The following AGBL1 variants were observed in gnomAD, a reference collection of about 807,000 sequenced individuals.
AGBL1 encodes the protein AGBL carboxypeptidase 1.
A neutral mutation model predicts 118.9 loss-of-function variants in AGBL1; 130 were observed. That is an observed-to-expected ratio of 1.09 (90% CI 0.95 to 1.26). The LOEUF (loss-of-function observed/expected upper bound fraction) is 1.26. AGBL1 is among the 50% of genes most tolerant of loss of function. AGBL1 has a pLI of 0.00. For missense variants in AGBL1, 1,584 were observed against 1,298.1 expected, an observed-to-expected ratio of 1.22 and a Z score of -3.38; for synonymous variants, 555 against 478.9, an observed-to-expected ratio of 1.16 and a Z score of -2.08.
intron 24 of AGBL1, among the ~76,000 whole-genome samples, chr15:87,002,371 G>A (rs1218258008): frequency 6.6e-6 from 1 of 151,886 alleles, no homozygotes; most frequent in African/African-American, 2.4e-5. Flanking sequence ...TGCTGTTTTG[G>A]TTACTGTAGC....
intron 21 of AGBL1, among the ~76,000 whole-genome samples, chr15:86,656,094 G>A (rs1041041507): frequency 1.3e-5 from 2 of 152,142 alleles, no homozygotes; most frequent in Non-Finnish European, 2.9e-5. Context: ...CACCTGCAGT[G>A]TAATAGATAA....
intron 22 of AGBL1, among the ~76,000 whole-genome samples, chr15:86,698,212 T>A (rs555779694): frequency 7.2e-5 from 11 of 152,094 alleles, no homozygotes; most frequent in African/African-American, 2.4e-4. Flanking sequence ...TTGGTTAAAG[T>A]AGTCTTTAGG....
In AGBL1 at chr15:86,999,328, G is replaced by A. The variant is rs981471455; in HGVS notation, c.3323+11240G>A. Among the ~76,000 whole-genome samples the A allele has an allele frequency of 8.0e-5, 12 of 149,942 alleles. 2 individuals carry two copies. The South Asian group carries it at 1.7e-3, about 21-fold the overall frequency. Reference sequence around the variant, plus strand: ...GCTGGTGCGCTGCACCCACTAACTCGTCATCTAGCATTAGGTATATCTCCC... The same window carrying A: ...GCTGGTGCGCTGCACCCACTAACTCATCATCTAGCATTAGGTATATCTCCC... On this transcript the variant is annotated intron_variant, in intron 24 of 24. Transcript: ENST00000441037.
At chr15:86,333,957 A>T (rs2080316413) in intron 17 of AGBL1, among the ~76,000 whole-genome samples, 2 of 152,244 alleles carry the variant, frequency 1.3e-5, no homozygotes, top group African/African-American at 4.8e-5. Context: ...CAGATGCAGA[A>T]AAAGCTTTCA....
intron 22 of AGBL1, among the ~76,000 whole-genome samples, chr15:86,734,276 C>A (rs1025153043): frequency 1.3e-5 from 2 of 152,096 alleles, no homozygotes; most frequent in Non-Finnish European, 2.9e-5. Context: ...GTATATATTT[C>A]TGTGTAATAT....
chr15:86,632,184 C>T (rs545531534), intron 21 of AGBL1, among the ~76,000 whole-genome samples: 1 of 150,702 alleles, frequency 6.6e-6, no homozygotes, highest in Non-Finnish European at 1.5e-5. Flanking sequence ...AGGAGGATCA[C>T]TTGAGCCCAG....
At chr15:86,086,508 T>C (rs1895664235) in intron 1 of AGBL1, 1 of 152,130 alleles carries the variant, frequency 6.6e-6, no homozygotes, top group Non-Finnish European at 1.5e-5. Context: ...CAAGGGAGCA[T>C]TCAAGGTCAA....
intron 18 of AGBL1, among the ~76,000 whole-genome samples, chr15:86,453,641 G>A (rs1444251118): frequency 6.6e-6 from 1 of 152,136 alleles, no homozygotes; most frequent in African/African-American, 2.4e-5. Context: ...TAGTAAGCTG[G>A]TCAATTTATT....
chr15:86,475,479 T>C (rs1049315118), intron 18 of AGBL1, among the ~76,000 whole-genome samples: 8 of 151,966 alleles, frequency 5.3e-5, no homozygotes, highest in African/African-American at 1.7e-4. Context: ...TATCAGTGAT[T>C]GAAGATCAAA....
intron 7 of AGBL1, among the ~76,000 whole-genome samples, chr15:86,250,711 T>C (rs960819234): frequency 2.2e-4 from 33 of 152,298 alleles, no homozygotes; most frequent in African/African-American, 7.9e-4. Context: ...CTTGTTACTC[T>C]TCCCCCCGGC....
chr15:86,793,956 G>A (rs961970491), intron 22 of AGBL1, among the ~76,000 whole-genome samples: 4 of 152,162 alleles, frequency 2.6e-5, no homozygotes, highest in East Asian at 1.9e-4. Context: ...AGTAACCAGC[G>A]TTGGTGAGGC....
At chr15:86,477,335 C>A (rs867790240) in intron 18 of AGBL1, among the ~76,000 whole-genome samples, 1 of 151,934 alleles carries the variant, frequency 6.6e-6, no homozygotes, top group Non-Finnish European at 1.5e-5. Flanking sequence ...AGACTGCTAG[C>A]AAGACTGATA....
At position 86,989,377 on chromosome 15, in the gene AGBL1, T is replaced by C. The variant is rs148406877; in HGVS notation, c.3323+1289T>C. On this transcript the variant is annotated intron_variant, in intron 24 of 24. Coordinates refer to the AGBL1 transcript ENST00000441037. ...ATGGATTTTTGGTAGATTATCTTTA[T>C]TAGGTTAGTAGAGTTTTCTTCTAGT... Among the ~76,000 whole-genome samples the C allele has an allele frequency of 1.8e-4, 27 of 152,292 alleles. No homozygotes were observed. The East Asian group carries it at 5.0e-3, about 28-fold the overall frequency.
intron 21 of AGBL1, among the ~76,000 whole-genome samples, chr15:86,663,579 C>T (rs1411692961): frequency 6.6e-6 from 1 of 152,016 alleles, no homozygotes; most frequent in Non-Finnish European, 1.5e-5. Context: ...GGGAGGCAGG[C>T]TGTTGTTGCA....
At chr15:86,730,557 G>A (rs1429444315) in intron 22 of AGBL1, among the ~76,000 whole-genome samples, 1 of 152,000 alleles carries the variant, frequency 6.6e-6, no homozygotes, top group Admixed American at 6.6e-5. Flanking sequence ...ACAATGTAGG[G>A]TCTCTTGCTA....
At chr15:86,122,533 G>C (rs1898150602) in intron 1 of AGBL1, among the ~76,000 whole-genome samples, 1 of 152,072 alleles carries the variant, frequency 6.6e-6, no homozygotes, top group African/African-American at 2.4e-5. Flanking sequence ...GACATCATCA[G>C]CTACATCATG....
At chr15:86,221,357 G>A (rs1227428908) in intron 5 of AGBL1, among the ~76,000 whole-genome samples, 1 of 152,206 alleles carries the variant, frequency 6.6e-6, no homozygotes, top group Non-Finnish European at 1.5e-5. Flanking sequence ...AATACAATGG[G>A]CTTGGCTCTT....
intron 22 of AGBL1, among the ~76,000 whole-genome samples, chr15:86,844,935 T>G (rs1031688736): frequency 6.6e-6 from 1 of 152,148 alleles, no homozygotes; most frequent in Non-Finnish European, 1.5e-5. Flanking sequence ...CTAATGGCTT[T>G]AGTATCATTT....
At chr15:86,204,849 C>T (rs997213539) in intron 5 of AGBL1, among the ~76,000 whole-genome samples, 2 of 152,180 alleles carry the variant, frequency 1.3e-5, no homozygotes, top group African/African-American at 4.8e-5. Context: ...CTTGGCCTCT[C>T]AAAGTTCTGG....
Sources: gnomAD v4.1 joint callset for allele counts (sites outside exome capture counted in the v4.1 genomes callset) on GRCh38, gnomAD v4.1.1 for gene constraint, MANE v1.5 for transcripts, NCBI Gene and HGNC (gene_info 2026-07-23, HGNC 2026-07-21) for gene names.